Variants in CCDC15 observed in about 807,000 individuals in gnomAD.
The protein encoded by CCDC15 is coiled-coil domain containing 15, also known as coiled-coil domain-containing protein 15.
In CCDC15, 105 loss-of-function variants were observed where a neutral mutation model predicts 114.5. That is an observed-to-expected ratio of 0.92 (90% CI 0.78 to 1.08). CCDC15 has a LOEUF of 1.08. Ranked by LOEUF, CCDC15 falls within the 50% of genes least tolerant of loss-of-function variation. The pLI, the probability that CCDC15 is intolerant of heterozygous loss-of-function variation, is 0.00. For missense variants in CCDC15, 1,105 were observed against 1,093.6 expected (o/e 1.01, Z -0.15); for synonymous variants, 334 against 377.8 (o/e 0.88, Z 1.34).
chr11:124,963,295 C>T lies in CCDC15; in HGVS notation c.516+3292C>T, dbSNP rs1591570337. ...TGTTCCTATTTCTCCACATCCTCTC[C>T]AGCACCTGTTGTTTCCTGACTTTTT... is the stretch of plus-strand genomic sequence containing the variant. On this transcript the variant is annotated intron_variant, in intron 4 of 15. Transcript: ENST00000344762. Among the ~76,000 whole-genome samples the T allele has an allele frequency of 2.6e-5, 4 of 152,314 alleles. No homozygotes were observed. The East Asian group carries it at 7.7e-4, about 29-fold the overall frequency.
At chr11:125,029,853 G>A (rs76898367) in intron 13 of CCDC15, among the ~76,000 whole-genome samples, 5 of 152,114 alleles carry the variant, frequency 3.3e-5, no homozygotes, top group Admixed American at 1.3e-4. Flanking sequence ...AAGAGATGCC[G>A]TAATGGACCT....
In CCDC15 at chr11:125,010,580, C is replaced by T. The variant is rs1316850985; in HGVS notation, c.2411+5368C>T. 4.6e-5 allele frequency among the ~76,000 whole-genome samples: 7 copies of T among 151,998 alleles called. 1 individual carries two copies. Among genetic ancestry groups the T allele is most frequent in the African/African-American group, 1.4e-4 (6 of 41,394 alleles). ...TTCACCATGTGGGCCAGGCTGGTCT[C>T]GAACTCCTGACCTCAGGTGATCCAC... On this transcript the variant is annotated intron_variant, in intron 13 of 15. Coordinates refer to ENST00000344762, the MANE Select transcript of CCDC15 (RefSeq NM_025004.3).
intron 13 of CCDC15, among the ~76,000 whole-genome samples, chr11:125,016,570 A>T (rs1408294076): frequency 2.0e-5 from 3 of 152,218 alleles, no homozygotes; most frequent in Admixed American, 1.3e-4. Flanking sequence ...CACCTAGGCC[A>T]GATTTGTCTT....
chr11:124,976,708 C>T (rs1947979961), intron 5 of CCDC15, among the ~76,000 whole-genome samples: 1 of 151,938 alleles, frequency 6.6e-6, no homozygotes, highest in Non-Finnish European at 1.5e-5. Flanking sequence ...TGGTGTTTTT[C>T]CAGAAAGTGT....
chr11:124,965,645 T>C (rs1451456929), intron 4 of CCDC15, among the ~76,000 whole-genome samples: 2 of 152,196 alleles, frequency 1.3e-5, no homozygotes, highest in Non-Finnish European at 2.9e-5. Context: ...TCTCCTTCAG[T>C]TCTACTCTGA....
chr11:124,967,224 C>T (rs1236705885), intron 4 of CCDC15, among the ~76,000 whole-genome samples: 4 of 152,148 alleles, frequency 2.6e-5, no homozygotes, highest in Non-Finnish European at 4.4e-5. Flanking sequence ...AATATCTTGA[C>T]GACTGTTTTC....
intron 13 of CCDC15, among the ~76,000 whole-genome samples, chr11:125,034,690 C>T (rs1213643119): frequency 6.6e-6 from 1 of 152,088 alleles, no homozygotes; most frequent in African/African-American, 2.4e-5. Flanking sequence ...GTGTCAAATG[C>T]ATTTATTTTG....
At chr11:124,991,776 T>C (rs6590112) in intron 9 of CCDC15, among the ~76,000 whole-genome samples, 193 bp downstream of exon 9, 127,381 of 152,188 alleles carry the variant, frequency 0.84, 53,897 homozygotes, top group African/African-American at 0.96. Context: ...CTCTGCCTCC[T>C]GGGTTCAAAC....
chr11:125,017,441 A>G (rs1256732875), intron 13 of CCDC15, among the ~76,000 whole-genome samples: 2 of 152,142 alleles, frequency 1.3e-5, no homozygotes, highest in African/African-American at 4.8e-5. Context: ...AAAAATTCCT[A>G]TCACCTAGTG....
intron 2 of CCDC15, among the ~76,000 whole-genome samples, chr11:124,955,552 G>T (rs1440919208): frequency 6.6e-6 from 1 of 152,104 alleles, no homozygotes; most frequent in Non-Finnish European, 1.5e-5. Context: ...TGAGCGTAGA[G>T]AACAAATGTC....
chr11:125,009,846 A>G (rs985333103), intron 13 of CCDC15, among the ~76,000 whole-genome samples: 3 of 152,166 alleles, frequency 2.0e-5, no homozygotes, highest in African/African-American at 7.2e-5. Flanking sequence ...ATTCTTTTAT[A>G]TGGTTGCATA....
intron 13 of CCDC15, among the ~76,000 whole-genome samples, chr11:125,036,607 C>G (rs923187442): frequency 1.4e-5 from 2 of 143,624 alleles, no homozygotes; most frequent in African/African-American, 4.9e-5. Flanking sequence ...TTAGATTTGC[C>G]CTTTTGAAGT....
At chr11:125,016,460 A>G (rs952650582) in intron 13 of CCDC15, among the ~76,000 whole-genome samples, 2 of 152,148 alleles carry the variant, frequency 1.3e-5, no homozygotes, top group African/African-American at 2.4e-5. Context: ...CTCTTTAAAT[A>G]TTTCAAAGAC....
chr11:125,014,676 C>T (rs911665925), intron 13 of CCDC15, among the ~76,000 whole-genome samples: 2 of 152,136 alleles, frequency 1.3e-5, no homozygotes, highest in African/African-American at 2.4e-5. Context: ...AGACAACAAA[C>T]TTAACAGTAC....
intron 6 of CCDC15, among the ~76,000 whole-genome samples, chr11:124,983,503 G>C (rs935574160): frequency 2.0e-5 from 3 of 151,936 alleles, no homozygotes; most frequent in African/African-American, 7.3e-5. Context: ...CTGGTATAAG[G>C]GGGAGTCAGT....
At chr11:124,977,722 A>G (rs540361601) in intron 6 of CCDC15, 122 bp downstream of exon 6, 2 of 962,412 alleles carry the variant, frequency 2.1e-6, no homozygotes, top group East Asian at 5.6e-5. Flanking sequence ...TTATTGAGAT[A>G]TAATTCATAT....
intron 4 of CCDC15, 51 bp downstream of exon 4, chr11:124,960,054 TA>T: frequency 7.2e-7 from 1 of 1,396,702 alleles, no homozygotes; most frequent in South Asian, 1.5e-5. Context: ...CCCTATCCCC[TA>T]AACTATAAAT....
rs549165955 is a variant in CCDC15, at chr11:125,031,817, G to A, written c.2412-6614G>A. Among the ~76,000 whole-genome samples the A allele has an allele frequency of 3.2e-4, 48 of 152,324 alleles. No homozygotes were observed. The South Asian group carries it at 3.5e-3, about 11-fold the overall frequency. On this transcript the variant is annotated intron_variant, in intron 13 of 15. Transcript: ENST00000344762. ...TGGACCTGTTGTAGAGCCTTCTCCT[G>A]TTCTGGACCCCACTCAAAACTGGCA...
chr11:124,976,262 TC>T (rs202090480), intron 5 of CCDC15, among the ~76,000 whole-genome samples: 2,000 of 150,508 alleles, frequency 0.013, 15 homozygotes, highest in Middle Eastern at 0.032. Context: ...TGTATTTTTT[TC>T]CATATCTTGA....
Sources: allele counts gnomAD v4.1 joint callset (sites outside exome capture counted in the v4.1 genomes callset), GRCh38; gene constraint gnomAD v4.1.1; transcripts MANE v1.5; gene names NCBI Gene and HGNC (gene_info 2026-07-23, HGNC 2026-07-21).